The following ASIC2 variants were observed in gnomAD, a reference collection of about 807,000 sequenced individuals.
ASIC2 encodes the protein acid-sensing ion channel 2.
In ASIC2, 25 loss-of-function variants were observed where a neutral mutation model predicts 57.3. The ratio of observed to expected loss-of-function variants is 0.44; its 90% CI spans 0.32 to 0.61. The LOEUF is 0.61. Among genes scored for constraint, ASIC2 ranks in the 20% least tolerant of loss-of-function variants. The pLI is 0.06. For synonymous variants in ASIC2, 319 were observed against 307.5 expected, an observed-to-expected ratio of 1.04 and a Z score of -0.39; for missense variants, 641 against 738.1, an observed-to-expected ratio of 0.87 and a Z score of 1.52.
At chr17:33,684,734 A>T (rs938197982) in intron 1 of ASIC2, among the ~76,000 whole-genome samples, 3 of 152,186 alleles carry the variant, frequency 2.0e-5, no homozygotes, top group Admixed American at 6.5e-5. Context: ...TAAGAAAGAA[A>T]GGAAAAAATT....
At chr17:33,210,596 C>A (rs1393903008) in intron 1 of ASIC2, among the ~76,000 whole-genome samples, 1 of 152,184 alleles carries the variant, frequency 6.6e-6, no homozygotes, top group Non-Finnish European at 1.5e-5. Context: ...CCCACCATCT[C>A]TATTTGCATC....
At chr17:33,382,509 A>G (rs1466571971) in intron 1 of ASIC2, among the ~76,000 whole-genome samples, 1 of 152,206 alleles carries the variant, frequency 6.6e-6, no homozygotes, top group Non-Finnish European at 1.5e-5. Flanking sequence ...TGATGGATCC[A>G]TGAAGCTTCA....
At chr17:33,204,165 C>A (rs1184346359) in intron 1 of ASIC2, among the ~76,000 whole-genome samples, 2 of 152,202 alleles carry the variant, frequency 1.3e-5, no homozygotes, top group Non-Finnish European at 2.9e-5. Context: ...AATGTGGGGT[C>A]TTTCTCTTAA....
intron 1 of ASIC2, among the ~76,000 whole-genome samples, chr17:34,050,553 T>C (rs1286773405): frequency 6.6e-6 from 1 of 152,234 alleles, no homozygotes; most frequent in African/African-American, 2.4e-5. Context: ...GGAGAATTTC[T>C]GTCCGTTTAT....
rs543539360 is a variant in ASIC2 at position 33,885,438 on chromosome 17, A to G, written c.555+270540T>C. On this transcript the variant is annotated intron_variant, in intron 1 of 9. Transcript: ENST00000359872. ...TACCCTATTATAGGGCAGGATTATT[A>G]TATTACACATTACTATGTCTATTGT... Among the ~76,000 whole-genome samples, 13 of 152,324 alleles carry G rather than the reference A, an allele frequency of 8.5e-5. No individual in the cohort carries two copies. In the East Asian group the frequency reaches 2.5e-3, roughly 29 times the overall value.
intron 1 of ASIC2, among the ~76,000 whole-genome samples, chr17:33,861,815 A>G (rs1414912798): frequency 2.6e-5 from 4 of 152,222 alleles, no homozygotes; most frequent in African/African-American, 7.2e-5. Flanking sequence ...TCTTGCTACA[A>G]TAGATGCAAT....
intron 1 of ASIC2, among the ~76,000 whole-genome samples, chr17:34,041,674 C>T (rs1003073002): frequency 6.6e-6 from 1 of 152,156 alleles, no homozygotes; most frequent in African/African-American, 2.4e-5. Context: ...GTTAGTTCTT[C>T]CCCCCTCTCA....
chr17:33,912,437 G>A (rs1226997056), intron 1 of ASIC2, among the ~76,000 whole-genome samples: 4 of 148,100 alleles, frequency 2.7e-5, no homozygotes, highest in East Asian at 2.1e-4. Flanking sequence ...AGCTGAGATG[G>A]CGCCACTGCA....
At position 33,837,235 on chromosome 17, in the gene ASIC2, C is replaced by T. The variant is rs73286800; in HGVS notation, c.555+318743G>A. 5.1e-3 allele frequency among the ~76,000 whole-genome samples: 781 copies of T among 152,328 alleles called. 5 individuals are homozygous for T. The highest frequency in any genetic ancestry group is 0.018 in the African/African-American group (750 of 41,574). On this transcript the variant is annotated intron_variant, in intron 1 of 9. Coordinates refer to the ASIC2 transcript ENST00000359872. ...CTGCCCAGATCCCAAACTCCTACCA[C>T]GGCTTATGGGTGCCTGGGACAGTCC...
intron 1 of ASIC2, among the ~76,000 whole-genome samples, chr17:33,843,323 A>C (rs1913493348): frequency 6.6e-6 from 1 of 152,190 alleles, no homozygotes; most frequent in Admixed American, 6.5e-5. Flanking sequence ...TCACCGTTTG[A>C]AAGGTAGGTT....
intron 1 of ASIC2, among the ~76,000 whole-genome samples, chr17:33,314,032 T>A (rs1597678662): frequency 6.6e-6 from 1 of 152,260 alleles, no homozygotes; most frequent in South Asian, 2.1e-4. Flanking sequence ...ACTCAAGGTT[T>A]TGCTTCCTCT....
intron 1 of ASIC2, among the ~76,000 whole-genome samples, chr17:33,358,881 A>C (rs917987666): frequency 3.3e-5 from 5 of 152,216 alleles, no homozygotes; most frequent in Non-Finnish European, 7.3e-5. Context: ...AAAATTTCCC[A>C]AAAGACAACA....
At chr17:33,856,526 T>TAGTAGTAATAGTATTATA in intron 1 of ASIC2, among the ~76,000 whole-genome samples, 1 of 151,824 alleles carries the variant, frequency 6.6e-6, no homozygotes, top group South Asian at 2.1e-4. Context: ...GTGGTGGTAG[T>TAGTAGTAATAGTATTATA]AGTAGTGGTA....
At chr17:33,253,043 C>A (rs1453890287) in intron 1 of ASIC2, among the ~76,000 whole-genome samples, 1 of 152,190 alleles carries the variant, frequency 6.6e-6, no homozygotes, top group Non-Finnish European at 1.5e-5. Context: ...CCATTCATTG[C>A]ATGCTGGACA....
chr17:33,368,808 C>T (rs1211947260), intron 1 of ASIC2, among the ~76,000 whole-genome samples: 1 of 152,138 alleles, frequency 6.6e-6, no homozygotes, highest in East Asian at 1.9e-4. Context: ...CTTTCTCTGC[C>T]CTCCTTTCAC....
intron 1 of ASIC2, among the ~76,000 whole-genome samples, chr17:33,775,781 T>C (rs1403862163): frequency 1.3e-5 from 2 of 152,100 alleles, no homozygotes; most frequent in Non-Finnish European, 2.9e-5. Context: ...GCTCTTCCAC[T>C]CTCTGTGCTG....
intron 1 of ASIC2, among the ~76,000 whole-genome samples, chr17:33,903,298 A>G (rs1211647525): frequency 6.6e-6 from 1 of 152,230 alleles, no homozygotes; most frequent in Non-Finnish European, 1.5e-5. Flanking sequence ...TGCTGATAGA[A>G]AATTCCAGCC....
intron 1 of ASIC2, among the ~76,000 whole-genome samples, chr17:33,635,943 A>C (rs974859246): frequency 2.0e-5 from 3 of 152,240 alleles, no homozygotes; most frequent in Non-Finnish European, 2.9e-5. Context: ...GGACTAGATA[A>C]ACAGAATGGA....
intron 1 of ASIC2, among the ~76,000 whole-genome samples, chr17:33,212,864 AG>A: frequency 6.6e-6 from 1 of 152,310 alleles, no homozygotes; most frequent in East Asian, 1.9e-4. Flanking sequence ...GAGGTAACTG[AG>A]TGATAGAGGC....
Sources: allele counts gnomAD v4.1 joint callset (sites outside exome capture counted in the v4.1 genomes callset), GRCh38; gene constraint gnomAD v4.1.1; transcripts MANE v1.5; gene names NCBI Gene and HGNC (gene_info 2026-07-23, HGNC 2026-07-21).